Variants in CACHD1 observed in about 807,000 individuals in gnomAD.
The protein encoded by CACHD1 is cache domain containing 1.
Under a neutral mutation model 138.7 loss-of-function variants are expected in CACHD1, and 71 were observed. That is an observed-to-expected ratio of 0.51 (90% CI 0.42 to 0.62). The LOEUF (loss-of-function observed/expected upper bound fraction) is 0.62. CACHD1 is among the 20% of genes least tolerant of loss of function. The pLI is 0.00. For missense variants in CACHD1, 1,389 were observed against 1,625.3 expected (o/e 0.85, Z 2.50); for synonymous variants, 578 against 591.5 (o/e 0.98, Z 0.33).
At chr1:64,682,173 C>T in intron 26 of CACHD1, 67 bp downstream of exon 26, 3 of 1,389,244 alleles carry the variant, frequency 2.2e-6, no homozygotes, top group Non-Finnish European at 3.1e-6. Flanking sequence ...ATGATGCTCA[C>T]ACCCTATTTT....
At chr1:64,564,454 C>A (rs369427311) in intron 2 of CACHD1, among the ~76,000 whole-genome samples, 2 of 152,152 alleles carry the variant, frequency 1.3e-5, no homozygotes, top group South Asian at 4.1e-4. Context: ...CATCAATCAT[C>A]TGACCCTTCT....
chr1:64,485,407 G>A (rs576487648), intron 1 of CACHD1, among the ~76,000 whole-genome samples: 1 of 152,230 alleles, frequency 6.6e-6, no homozygotes, highest in Admixed American at 6.5e-5. Flanking sequence ...AAACATTATG[G>A]TGTGCATTTT....
Position 64,470,659 on chromosome 1 carries a change from G to T in CACHD1, c.-86G>T. The T allele has an allele frequency of 2.2e-6, 1 of 451,742 alleles. No homozygotes were observed. Among genetic ancestry groups the T allele is most frequent in the East Asian group, 3.7e-5 (1 of 26,768 alleles). The allele number at this position is 451,742 out of a possible 1,614,324, so 28.0% of individuals were successfully genotyped here. A position where few individuals can be genotyped will look rare whatever the true frequency, so the allele number is the denominator to read the frequency against. On this transcript the variant is annotated 5_prime_UTR_variant, in exon 1 of 27. Transcript: ENST00000651257. This position sits in a 1 kb window ranked among gnomAD's most constrained non-coding sequence, Gnocchi z 5.2. ...GCAACAGAGGAAGAAACTTTTGCGG[G>T]GTGCGCCGCGCTTTTGCGGGGGGCA... is the stretch of plus-strand genomic sequence containing the variant.
chr1:64,668,332 A>C (rs1225776766), intron 16 of CACHD1, among the ~76,000 whole-genome samples: 1 of 151,454 alleles, frequency 6.6e-6, no homozygotes, highest in Non-Finnish European at 1.5e-5. Flanking sequence ...ATCTCAAAAA[A>C]AAAAAAAAAG....
intron 1 of CACHD1, among the ~76,000 whole-genome samples, chr1:64,488,785 T>G (rs1646257637): frequency 6.6e-6 from 1 of 152,198 alleles, no homozygotes; most frequent in Admixed American, 6.5e-5. Flanking sequence ...GAAATGATTC[T>G]CATGTTGAAA....
chr1:64,681,541 G>GTTTTTTTTTTTTTTTTTTTTTTTTT (rs57993424), intron 25 of CACHD1, among the ~76,000 whole-genome samples: 3 of 68,130 alleles, frequency 4.4e-5, no homozygotes, highest in Non-Finnish European at 8.0e-5. Flanking sequence ...ATTTTATTGT[G>GTTTTTTTTTTTTTTTTTTTTTTTTT]TTTTTTTTTT....
At chr1:64,525,317 C>G (rs1646529676) in intron 1 of CACHD1, among the ~76,000 whole-genome samples, 1 of 152,020 alleles carries the variant, frequency 6.6e-6, no homozygotes, top group African/African-American at 2.4e-5. Context: ...ACAGAAGTTG[C>G]AAAAGAATTT....
chr1:64,476,712 C>T (rs1646176313), intron 1 of CACHD1, among the ~76,000 whole-genome samples: 1 of 152,234 alleles, frequency 6.6e-6, no homozygotes, highest in South Asian at 2.1e-4. Context: ...CCTGGACTTC[C>T]TTCTCACTAA....
intron 3 of CACHD1, among the ~76,000 whole-genome samples, chr1:64,595,927 C>CT (rs919278433): frequency 1.4e-4 from 21 of 152,296 alleles, no homozygotes; most frequent in Non-Finnish European, 2.1e-4. Context: ...TCCAATCTGG[C>CT]TGAGTTGCTG....
chr1:64,688,979 C>T (rs894555529), intron 26 of CACHD1, among the ~76,000 whole-genome samples: 6 of 152,200 alleles, frequency 3.9e-5, no homozygotes, highest in Non-Finnish European at 5.9e-5. Context: ...TTGTGTGCCT[C>T]TGTTTTAGCA....
intron 15 of CACHD1, among the ~76,000 whole-genome samples, chr1:64,665,595 AG>A (rs1649603440): frequency 6.6e-6 from 1 of 152,258 alleles, no homozygotes; most frequent in African/African-American, 2.4e-5. Flanking sequence ...TTGATGCTAC[AG>A]TCAGATACAA....
intron 1 of CACHD1, among the ~76,000 whole-genome samples, chr1:64,499,190 A>G (rs1197229450): frequency 6.6e-6 from 1 of 152,148 alleles, no homozygotes; most frequent in Non-Finnish European, 1.5e-5. Flanking sequence ...TGTTTTTCCC[A>G]GACTGGATGA....
Position 64,691,831 on chromosome 1 carries a change from G to A in CACHD1, c.*270G>A. ...GCCATAACACTAATGGAAGGTAACA[G>A]AAGGCGAACCTCCAAACACAGAGAC... On this transcript the variant is annotated 3_prime_UTR_variant, in exon 27 of 27. Coordinates refer to ENST00000651257, the MANE Select transcript of CACHD1 (RefSeq NM_020925.4). The A allele has an allele frequency of 2.3e-6, 1 of 440,292 alleles. No individual in the cohort carries two copies. The highest frequency in any genetic ancestry group is 4.2e-6 in the Non-Finnish European group (1 of 240,294). 27.3% of individuals were successfully genotyped at this position (440,292 alleles called of 1,614,324 possible).
chr1:64,577,382 C>T lies in CACHD1; in HGVS notation c.262-4774C>T, dbSNP rs2375267. 8.7e-3 allele frequency among the ~76,000 whole-genome samples: 1,323 copies of T among 152,226 alleles called. 19 individuals carry two copies. Among genetic ancestry groups the T allele is most frequent in the African/African-American group, 0.031 (1,267 of 41,530 alleles). The stretch of plus-strand genomic sequence containing the variant: ...TAATTCTTATTATAAAGTAATGAGA[C>T]TGTGCATAGCTTATGGTATCCTGCC... On this transcript the variant is annotated intron_variant, in intron 2 of 26. Coordinates refer to ENST00000651257, the MANE Select transcript of CACHD1 (RefSeq NM_020925.4).
intron 16 of CACHD1, among the ~76,000 whole-genome samples, chr1:64,669,243 T>C (rs1441816959): frequency 6.6e-6 from 1 of 152,148 alleles, no homozygotes; most frequent in African/African-American, 2.4e-5. Context: ...GGATGAGAAT[T>C]AGAGATGATG....
At chr1:64,620,735 G>T (rs1436757) in intron 4 of CACHD1, among the ~76,000 whole-genome samples, 6,042 of 152,216 alleles carry the variant, frequency 0.04, 391 homozygotes, top group African/African-American at 0.14. Flanking sequence ...TTAATAGGAA[G>T]CACATATATT....
At chr1:64,643,149 C>T (rs1312894056) in intron 8 of CACHD1, among the ~76,000 whole-genome samples, 4 of 148,208 alleles carry the variant, frequency 2.7e-5, no homozygotes, top group Non-Finnish European at 4.5e-5. Context: ...CCATGCAGAA[C>T]CATGTGGTTC....
chr1:64,663,405 G>A (rs568649519), intron 13 of CACHD1, among the ~76,000 whole-genome samples: 1 of 151,008 alleles, frequency 6.6e-6, no homozygotes, highest in East Asian at 1.9e-4. Context: ...ACAAAAATAA[G>A]CCGGGCGTGG....
In CACHD1 at chr1:64,663,840, A is replaced by G. The variant is rs1428700675; in HGVS notation, c.2094+3A>G. On this transcript the variant is annotated splice_donor_region_variant and intron_variant, in intron 14 of 26. Transcript: ENST00000651257. ...TCATTGCTAACCCGGGCCTCAAAGT[A>G]AGCATTGGCGCAGAGCTCCATTTCT... 6.2e-6 allele frequency: 10 copies of G among 1,614,078 alleles called. No homozygotes were observed. Among genetic ancestry groups the G allele is most frequent in the South Asian group, 2.2e-5 (2 of 91,076 alleles).
Sources: allele counts gnomAD v4.1 joint callset (sites outside exome capture counted in the v4.1 genomes callset), GRCh38; gene constraint gnomAD v4.1.1; non-coding constraint Gnocchi (gnomAD v3.1); transcripts MANE v1.5; gene names NCBI Gene and HGNC (gene_info 2026-07-23, HGNC 2026-07-21).